SPMIP9: variants seen among roughly 807,000 people sequenced by gnomAD.
SPMIP9 encodes sperm microtubule inner protein 9.
the SPMIP9 span, chr2:88,529,211 G>T: frequency 6.2e-7 from 1 of 1,614,168 alleles, no homozygotes; most frequent in African/African-American, 1.3e-5. Context: ...GGAACATGAG[G>T]CCACGAGGGA....
At chr2:88,526,447 G>A in the SPMIP9 span, 13,718 of 1,613,988 alleles carry the variant, frequency 8.5e-3, 128 homozygotes, top group African/African-American at 0.045. Flanking sequence ...CCACATGGTC[G>A]ACTATCAGCC....
the SPMIP9 span, chr2:88,525,702 C>T: frequency 1.1e-4 from 184 of 1,613,624 alleles, 2 homozygotes; most frequent in South Asian, 1.2e-3. Flanking sequence ...TCCCCTGTGA[C>T]GGTCTCAGGG....
the SPMIP9 span, chr2:88,526,578 G>C: frequency 9.3e-7 from 1 of 1,072,432 alleles, no homozygotes; most frequent in Non-Finnish European, 1.4e-6. Context: ...TTACAAATGT[G>C]GACATTTGGG....
the SPMIP9 span, chr2:88,524,929 CAAG>C: frequency 6.6e-6 from 1 of 152,456 alleles, no homozygotes; most frequent in East Asian, 1.9e-4. Flanking sequence ...GCCACGCACA[CAAG>C]GAGTCTGTGC....
chr2:88,524,926 A>G, the SPMIP9 span: 2 of 152,398 alleles, frequency 1.3e-5, no homozygotes, highest in Admixed American at 6.5e-5. Context: ...GGGGCCACGC[A>G]CACAAGGAGT....
At chr2:88,529,014 C>T in the SPMIP9 span, 2 of 1,579,288 alleles carry the variant, frequency 1.3e-6, no homozygotes, top group Non-Finnish European at 1.7e-6. Flanking sequence ...TCTCTTGTCT[C>T]TCTCACCCCT....
the SPMIP9 span, among the ~76,000 whole-genome samples, chr2:88,528,484 C>G: frequency 1.3e-5 from 2 of 152,154 alleles, no homozygotes; most frequent in South Asian, 2.1e-4. Context: ...AAACTCTTCT[C>G]CAGTTTGTGG....
At chr2:88,527,353 G>A in the SPMIP9 span, among the ~76,000 whole-genome samples, 218 of 152,198 alleles carry the variant, frequency 1.4e-3, 1 homozygote, top group African/African-American at 5.0e-3. Context: ...AATTAGCCTG[G>A]CTTGTTGGTG....
the SPMIP9 span, chr2:88,528,936 A>T: frequency 9.7e-7 from 1 of 1,026,036 alleles, no homozygotes; most frequent in Non-Finnish European, 1.4e-6. Context: ...TCAAGGACTA[A>T]TTTAAAGTTT....
chr2:88,526,490 C>A, the SPMIP9 span: 7 of 1,613,602 alleles, frequency 4.3e-6, no homozygotes, highest in Admixed American at 5.0e-5. Flanking sequence ...AGGGTCACGC[C>A]GCAAGAGGTA....
chr2:88,529,332 G>A, the SPMIP9 span: 1 of 1,614,054 alleles, frequency 6.2e-7, no homozygotes, highest in South Asian at 1.1e-5. Context: ...GACTTTCCGT[G>A]CCTCGTGGAT....
chr2:88,525,789 T>A, the SPMIP9 span: 1 of 1,044,490 alleles, frequency 9.6e-7, no homozygotes, highest in African/African-American at 1.7e-5. Flanking sequence ...TAGTTTTGGG[T>A]TTTGTGGGTT....
At chr2:88,524,688 G>A in the SPMIP9 span, 1 of 152,460 alleles carries the variant, frequency 6.6e-6, no homozygotes, top group Non-Finnish European at 1.5e-5. Flanking sequence ...GCACCTGGAG[G>A]TGGGAGGGCA....
the SPMIP9 span, among the ~76,000 whole-genome samples, chr2:88,525,152 GGAGCCAGTTCATACTGGCTCACAA>G: frequency 6.6e-6 from 1 of 152,170 alleles, no homozygotes. Context: ...CATGTGAGCT[GGAGCCAGTTCATACTGGCTCACAA>G]GAGCCCATCC....
the SPMIP9 span, chr2:88,529,351 C>G: frequency 1.9e-6 from 3 of 1,614,180 alleles, no homozygotes; most frequent in Non-Finnish European, 2.5e-6. Context: ...ATCCCAAACA[C>G]CAGCCTGCTG....
At chr2:88,527,259 G>T in the SPMIP9 span, among the ~76,000 whole-genome samples, 2 of 151,994 alleles carry the variant, frequency 1.3e-5, no homozygotes, top group South Asian at 2.1e-4. Context: ...TGAGACCAGG[G>T]GTTTGAGACC....
chr2:88,525,731 G>T, the SPMIP9 span: 2 of 1,572,442 alleles, frequency 1.3e-6, no homozygotes, highest in East Asian at 2.2e-5. Context: ...CCTCAGCAAG[G>T]CCCTGGAAGG....
the SPMIP9 span, among the ~76,000 whole-genome samples, chr2:88,528,170 C>T: frequency 2.1e-5 from 3 of 142,542 alleles, no homozygotes; most frequent in Non-Finnish European, 4.5e-5. Flanking sequence ...AGGAGTCTGG[C>T]TCTGTTGCCC....
chr2:88,526,554 T>G, the SPMIP9 span: 10 of 1,299,376 alleles, frequency 7.7e-6, no homozygotes, highest in Non-Finnish European at 1.1e-5. Flanking sequence ...ATCCTCTCTG[T>G]TGCTTCATTT....
Sources: allele counts gnomAD v4.1 joint callset (sites outside exome capture counted in the v4.1 genomes callset), GRCh38; gene constraint gnomAD v4.1.1; transcripts MANE v1.5; gene names NCBI Gene and HGNC (gene_info 2026-07-23, HGNC 2026-07-21).